The following DHX36 variants were observed in gnomAD, a reference collection of about 807,000 sequenced individuals.
DHX36 encodes the protein DEAH-box helicase 36, also known as ATP-dependent DNA/RNA helicase DHX36.
Under a neutral mutation model 139.0 loss-of-function variants are expected in DHX36, and 50 were observed. That is an observed-to-expected ratio of 0.36 (90% CI 0.29 to 0.46). The LOEUF (loss-of-function observed/expected upper bound fraction) is 0.46, where lower values mean the gene tolerates loss of function less well. Ranked by LOEUF, DHX36 falls within the 20% of genes least tolerant of loss-of-function variation. The pLI is 1.00. For synonymous variants in DHX36, 425 were observed against 401.9 expected, an observed-to-expected ratio of 1.06 and a Z score of -0.69; for missense variants, 1,024 against 1,211.3, an observed-to-expected ratio of 0.85 and a Z score of 2.29.
At chr3:154,321,774 C>T (rs1178036569) in intron 1 of DHX36, among the ~76,000 whole-genome samples, 2 of 152,142 alleles carry the variant, frequency 1.3e-5, no homozygotes, top group African/African-American at 4.8e-5. Context: ...GCCTGGCCAA[C>T]ATGGCAAAAC....
At chr3:154,277,106 G>C (rs1197861601) in intron 23 of DHX36, among the ~76,000 whole-genome samples, 1 of 152,000 alleles carries the variant, frequency 6.6e-6, no homozygotes, top group Non-Finnish European at 1.5e-5. Flanking sequence ...ATATTTTTTA[G>C]TTTAAACTAA....
At chr3:154,290,253 A>AT (rs1427808038) in intron 15 of DHX36, among the ~76,000 whole-genome samples, 11 of 152,154 alleles carry the variant, frequency 7.2e-5, no homozygotes, top group Non-Finnish European at 1.5e-4. Flanking sequence ...AGTACTATAT[A>AT]TTTAGTGAGT....
rs368518294 is a variant in DHX36, at chr3:154,277,619, G to C, written c.2667C>G (p.His889Gln). ...TDFHYNWLIY[H>Q]LKMRTSSIYL... is the part of the protein sequence containing the mutation. The stretch of plus-strand genomic sequence containing the variant: ...TTACACTGCTTGTTCTCATCTTTAG[G>C]TGATAGATAAGCCAGTTGTAGTGAA... Residue 889 changes from histidine to glutamine, a missense_variant, in exon 23 of 25, where the codon CAC becomes CAG. Coordinates refer to ENST00000496811, the MANE Select transcript of DHX36 (RefSeq NM_020865.3). The C allele has an allele frequency of 6.2e-7, 1 of 1,611,072 alleles. No individual in the cohort carries two copies. Among genetic ancestry groups the C allele is most frequent in the Non-Finnish European group, 8.5e-7 (1 of 1,178,188 alleles).
Position 154,324,165 on chromosome 3 carries a change from C to A in DHX36, c.243+9G>T. The A allele has an allele frequency of 6.2e-7, 1 of 1,605,546 alleles. No homozygotes were observed. Among genetic ancestry groups the A allele is most frequent in the Non-Finnish European group, 8.5e-7 (1 of 1,174,542 alleles). ...GCCTCATCCTCTCCACTACTGAATC[C>A]GAGATTACCTCTTGCCTCTCCGCTT... On this transcript the variant is annotated intron_variant, in intron 1 of 24. Coordinates refer to ENST00000496811, the MANE Select transcript of DHX36 (RefSeq NM_020865.3).
At chr3:154,307,190 A>C (rs1054595595) in intron 5 of DHX36, among the ~76,000 whole-genome samples, 2 of 152,134 alleles carry the variant, frequency 1.3e-5, no homozygotes, top group African/African-American at 4.8e-5. Context: ...CCTAGGGAAA[A>C]ACTCCTTTGG....
intron 2 of DHX36, among the ~76,000 whole-genome samples, chr3:154,315,617 C>T (rs1712950582): frequency 1.3e-5 from 2 of 151,784 alleles, no homozygotes; most frequent in African/African-American, 2.4e-5. Context: ...ATCTTTTTTT[C>T]TTGCCACCCT....
intron 17 of DHX36, among the ~76,000 whole-genome samples, chr3:154,286,356 A>C (rs1189465446): frequency 6.6e-6 from 1 of 151,720 alleles, no homozygotes; most frequent in East Asian, 1.9e-4. Flanking sequence ...AGATGTGATA[A>C]TATATGCAGA....
At position 154,298,166 on chromosome 3, in the gene DHX36, G is replaced by A. The variant is rs368428034; in HGVS notation, c.1549+1672C>T. 5.3e-5 allele frequency among the ~76,000 whole-genome samples: 8 copies of A among 152,226 alleles called. No individual in the cohort carries two copies. The South Asian group carries it at 1.7e-3, about 32-fold the overall frequency. Reference sequence around the variant, plus strand: ...AATTAATTCAAACTAGAAAGTTAACGAAGTCAATTATAATAATCTATAATA... The same window carrying A: ...AATTAATTCAAACTAGAAAGTTAACAAAGTCAATTATAATAATCTATAATA... On this transcript the variant is annotated intron_variant, in intron 12 of 24. Coordinates refer to ENST00000496811, the MANE Select transcript of DHX36 (RefSeq NM_020865.3).
In DHX36 at chr3:154,280,585, CTTTT is replaced by C. The variant is rs1559944302; in HGVS notation, c.2557_2560del (p.Lys853GlufsTer4). 1 of 1,604,024 alleles carries C rather than the reference CTTTT, an allele frequency of 6.2e-7. No homozygotes were observed. Among genetic ancestry groups the C allele is most frequent in the Non-Finnish European group, 8.5e-7 (1 of 1,173,624 alleles). On this transcript the variant is annotated frameshift_variant, in exon 22 of 25. Coordinates refer to ENST00000496811, the MANE Select transcript of DHX36 (RefSeq NM_020865.3). LOFTEE classifies it high-confidence loss of function. The stretch of plus-strand genomic sequence containing the variant: ...AATAATCTTCAATGCTTACATTTTT[CTTTT>C]TTTACCCAAATTTAGTCGAATTTTA...
At chr3:154,300,131 T>C (rs1324051426) in intron 11 of DHX36, among the ~76,000 whole-genome samples, 1 of 152,308 alleles carries the variant, frequency 6.6e-6, no homozygotes, top group East Asian at 1.9e-4. Flanking sequence ...TACAATGGCA[T>C]GATCTCGGAT....
chr3:154,299,652 G>C, intron 12 of DHX36, 186 bp downstream of exon 12: 1 of 603,490 alleles, frequency 1.7e-6, no homozygotes. Context: ...TGCTTTAAGA[G>C]CCAATTTTAT....
chr3:154,293,176 A>C (rs1051936091), intron 14 of DHX36, among the ~76,000 whole-genome samples: 1 of 152,206 alleles, frequency 6.6e-6, no homozygotes, highest in Admixed American at 6.5e-5. Context: ...AAACAGGCGA[A>C]AGGACAAAAT....
intron 9 of DHX36, 41 bp from the exon 10 acceptor site, chr3:154,301,168 ACT>A (rs1712261093): frequency 1.3e-6 from 2 of 1,536,146 alleles, no homozygotes; most frequent in East Asian, 2.3e-5. Context: ...CTTTTTTGAA[ACT>A]CTAGTTTTAG....
chr3:154,277,951 A>G (rs1391897460), intron 22 of DHX36: 1 of 319,658 alleles, frequency 3.1e-6, no homozygotes, highest in African/African-American at 2.1e-5. Flanking sequence ...AGTATGAATA[A>G]TTTAAATCAT....
At chr3:154,312,896 TATATAA>T (rs1467332056) in intron 3 of DHX36, among the ~76,000 whole-genome samples, 11 of 70,852 alleles carry the variant, frequency 1.6e-4, no homozygotes, top group Non-Finnish European at 1.9e-4. Flanking sequence ...TATATATATA[TATATAA>T]AATAAATAAA....
At chr3:154,277,754 A>T in intron 22 of DHX36, 36 bp from the exon 23 acceptor site, 1 of 1,563,434 alleles carries the variant, frequency 6.4e-7, no homozygotes, top group Non-Finnish European at 8.7e-7. Context: ...TGTTAAAAAG[A>T]AGTCTTCTAG....
chr3:154,294,484 G>C (rs1398184538), intron 13 of DHX36, among the ~76,000 whole-genome samples: 1 of 152,122 alleles, frequency 6.6e-6, no homozygotes, highest in Non-Finnish European at 1.5e-5. Context: ...CTCCAGCAAA[G>C]GAATACATAA....
At chr3:154,304,407 A>C (rs1712422140) in intron 8 of DHX36, among the ~76,000 whole-genome samples, 2 of 152,218 alleles carry the variant, frequency 1.3e-5, no homozygotes, top group African/African-American at 4.8e-5. Flanking sequence ...TAAGGAAGAC[A>C]AAGTGGCAAA....
intron 5 of DHX36, among the ~76,000 whole-genome samples, chr3:154,309,356 A>G (rs1046351147): frequency 3.9e-5 from 6 of 152,164 alleles, no homozygotes; most frequent in Admixed American, 2.0e-4. Context: ...AATGATGGAG[A>G]TTATTTGAAG....
Sources: allele counts gnomAD v4.1 joint callset (sites outside exome capture counted in the v4.1 genomes callset), GRCh38; gene constraint gnomAD v4.1.1; transcripts MANE v1.5; gene names NCBI Gene and HGNC (gene_info 2026-07-23, HGNC 2026-07-21).